The following EAPP variants were observed in gnomAD, a reference collection of about 807,000 sequenced individuals.
The protein encoded by EAPP is E2F associated phosphoprotein.
In EAPP, 38 loss-of-function variants were observed where a neutral mutation model predicts 34.3. The ratio of observed to expected loss-of-function variants is 1.11; its 90% confidence interval spans 0.85 to 1.45. EAPP has a LOEUF of 1.45. EAPP is among the 40% of genes most tolerant of loss of function. The probability of loss-of-function intolerance (pLI) is 0.00; values close to 1 mark genes in which losing one functional copy is unlikely to be tolerated. For synonymous variants in EAPP, 113 were observed against 117.6 expected (o/e 0.96, Z 0.25); for missense variants, 338 against 343.7 (o/e 0.98, Z 0.13).
At chr14:34,533,029 C>T (rs1363042385) in intron 3 of EAPP, among the ~76,000 whole-genome samples, 1 of 149,026 alleles carries the variant, frequency 6.7e-6, no homozygotes, top group Non-Finnish European at 1.5e-5. Context: ...CAATGGCATC[C>T]ACTTTATTTA....
intron 4 of EAPP, among the ~76,000 whole-genome samples, chr14:34,527,522 G>C (rs1880136010): frequency 6.6e-6 from 1 of 152,254 alleles, no homozygotes; most frequent in East Asian, 1.9e-4. Context: ...CTTAAAAAAA[G>C]GTGGGGGCAG....
At chr14:34,539,430 T>TAACAGGCAC (rs981245366) in intron 1 of EAPP, 125 bp downstream of exon 1, 3 of 1,078,610 alleles carry the variant, frequency 2.8e-6, no homozygotes, top group Non-Finnish European at 4.2e-6. Flanking sequence ...TTCGCACAAG[T>TAACAGGCAC]AACAGGCACG....
chr14:34,529,557 G>C, intron 3 of EAPP, 82 bp from the exon 4 acceptor site: 2 of 1,033,606 alleles, frequency 1.9e-6, no homozygotes, highest in Admixed American at 2.2e-5. Flanking sequence ...CATTTCCCAA[G>C]CTACACATTT....
rs891997699 is a variant in EAPP at position 34,515,988 on chromosome 14, A to T, written c.*322T>A. ...TACATCAAAGCTATATCCAAAATAA[A>T]AATAACACTCAGAAACAAAGATTGC... On this transcript the variant is annotated 3_prime_UTR_variant, in exon 6 of 6. Transcript: ENST00000250454. The T allele has an allele frequency of 1.7e-5, 4 of 241,616 alleles. No individual in the cohort carries two copies. The highest frequency in any genetic ancestry group is 6.7e-5 in the African/African-American group (3 of 44,562). The allele number at this position is 241,616 out of a possible 1,614,324, so 15.0% of individuals were successfully genotyped here.
chr14:34,529,501 G>A (rs1880210297), intron 3 of EAPP, 26 bp from the exon 4 acceptor site: 1 of 1,425,348 alleles, frequency 7.0e-7, no homozygotes, highest in African/African-American at 1.4e-5. Context: ...TTAGGATATG[G>A]CTAAGAATCA....
At chr14:34,532,616 A>G (rs1880333339) in intron 3 of EAPP, among the ~76,000 whole-genome samples, 1 of 151,558 alleles carries the variant, frequency 6.6e-6, no homozygotes, top group Non-Finnish European at 1.5e-5. Context: ...CTCACTCCCT[A>G]GGTACATCCA....
chr14:34,539,519 C>A (rs753854442), intron 1 of EAPP, 36 bp downstream of exon 1: 1 of 1,600,906 alleles, frequency 6.2e-7, no homozygotes, highest in South Asian at 1.1e-5. Context: ...GGCCTCGACC[C>A]AAATCCTCGG....
At chr14:34,533,968 C>A (rs1009891598) in intron 2 of EAPP, among the ~76,000 whole-genome samples, 20 of 152,208 alleles carry the variant, frequency 1.3e-4, no homozygotes, top group African/African-American at 4.6e-4. Flanking sequence ...CTCAGTTGTG[C>A]CCAGGACCAT....
Position 34,529,491 on chromosome 14 carries a change from T to C in EAPP, c.353-16A>G, listed in dbSNP as rs777954749. 256 of 1,532,330 alleles carry C rather than the reference T, an allele frequency of 1.7e-4. 1 individual carries two copies. Among genetic ancestry groups the C allele is most frequent in the Non-Finnish European group, 2.2e-4 (248 of 1,111,436 alleles). 94.9% of individuals were successfully genotyped at this position (1,532,330 alleles called of 1,614,324 possible). A position where few individuals can be genotyped will look rare whatever the true frequency, so the allele number is the denominator to read the frequency against. ...GTCACCTGTACTAATTTTGAAAATA[T>C]TAGGATATGGCTAAGAATCATGTGT... On this transcript the variant is annotated splice_polypyrimidine_tract_variant and intron_variant, in intron 3 of 5. Coordinates refer to ENST00000250454, the MANE Select transcript of EAPP (RefSeq NM_018453.4).
chr14:34,518,239 T>C (rs1879799806), intron 5 of EAPP, among the ~76,000 whole-genome samples: 1 of 152,008 alleles, frequency 6.6e-6, no homozygotes, highest in Non-Finnish European at 1.5e-5. Context: ...ATCTGGATGA[T>C]CTGTCCATTA....
intron 5 of EAPP, among the ~76,000 whole-genome samples, chr14:34,517,898 C>G (rs1879790454): frequency 1.3e-5 from 2 of 151,972 alleles, no homozygotes; most frequent in African/African-American, 4.8e-5. Flanking sequence ...CCTCAGCCTC[C>G]TGAGTAGCTG....
chr14:34,538,193 C>T (rs1880538321), intron 1 of EAPP, among the ~76,000 whole-genome samples: 1 of 152,068 alleles, frequency 6.6e-6, no homozygotes, highest in Non-Finnish European at 1.5e-5. Context: ...GCCTGGCCAA[C>T]GTGGTGAAAA....
In EAPP at chr14:34,516,390, T is replaced by C; in HGVS notation, c.778A>G (p.Thr260Ala). The C allele has an allele frequency of 6.2e-7, 1 of 1,614,228 alleles. No homozygotes were observed. The highest frequency in any genetic ancestry group is 8.5e-7 in the Non-Finnish European group (1 of 1,180,040). Residue 260 changes from threonine to alanine, a missense_variant, in exon 6 of 6, where the codon ACT becomes GCT. Transcript: ENST00000250454. ...ACTGCCACTTCAGTGGAACATTCAG[T>C]GCACATGACTGGGTGATAGATTTCT... ...VEEIYHPVMCTECSTEVAVYD... is the reference protein window; with the variant it reads ...VEEIYHPVMCAECSTEVAVYD...
At chr14:34,532,462 CAA>C (rs879574097) in intron 3 of EAPP, among the ~76,000 whole-genome samples, 3 of 140,110 alleles carry the variant, frequency 2.1e-5, no homozygotes, top group Admixed American at 7.2e-5. Context: ...AACTCCATCT[CAA>C]AAAAAAAAAA....
intron 5 of EAPP, among the ~76,000 whole-genome samples, chr14:34,519,100 C>A (rs1360740303): frequency 1.3e-5 from 2 of 152,164 alleles, no homozygotes; most frequent in African/African-American, 2.4e-5. Context: ...TGGGGGCAGA[C>A]TTCCCCCTCG....
chr14:34,523,371 G>A (rs1453988556), intron 5 of EAPP, among the ~76,000 whole-genome samples: 1 of 151,726 alleles, frequency 6.6e-6, no homozygotes, highest in African/African-American at 2.4e-5. Context: ...CGGAGTAGCT[G>A]GGACTACAGG....
chr14:34,533,639 C>T (rs890020735), intron 2 of EAPP, 100 bp from the exon 3 acceptor site: 5 of 687,296 alleles, frequency 7.3e-6, no homozygotes, highest in East Asian at 5.7e-5. Flanking sequence ...AATATCAACT[C>T]ATTCACAAAC....
At chr14:34,516,989 G>C (rs1412245621) in intron 5 of EAPP, among the ~76,000 whole-genome samples, 1 of 149,520 alleles carries the variant, frequency 6.7e-6, no homozygotes, top group African/African-American at 2.5e-5. Context: ...CCAGGCTGGA[G>C]TGCAGTGGCG....
chr14:34,533,863 A>G (rs934103663), intron 2 of EAPP, among the ~76,000 whole-genome samples: 1 of 152,184 alleles, frequency 6.6e-6, no homozygotes, highest in Non-Finnish European at 1.5e-5. Flanking sequence ...CATGCAGAAC[A>G]TAGAACAAAC....
Sources: allele counts gnomAD v4.1 joint callset (sites outside exome capture counted in the v4.1 genomes callset), GRCh38; gene constraint gnomAD v4.1.1; transcripts MANE v1.5; gene names NCBI Gene and HGNC (gene_info 2026-07-23, HGNC 2026-07-21).